COL5A3: variants seen among roughly 807,000 people sequenced by gnomAD.
COL5A3 encodes collagen alpha-3(V) chain.
Under a neutral mutation model 250.0 loss-of-function variants are expected in COL5A3, and 172 were observed. That is an observed-to-expected ratio of 0.69 (90% CI 0.61 to 0.78). The LOEUF (loss-of-function observed/expected upper bound fraction) is 0.78, where lower values mean the gene tolerates loss of function less well. Ranked by LOEUF, COL5A3 falls within the 30% of genes least tolerant of loss-of-function variation. The pLI is 0.00. For missense variants in COL5A3, 2,340 were observed against 2,334.4 expected, an observed-to-expected ratio of 1.00 and a Z score of -0.05; for synonymous variants, 937 against 900.4, an observed-to-expected ratio of 1.04 and a Z score of -0.73.
chr19:9,970,295 GTCTGTGGGGTGAGTGGAA>G (rs2086818690), intron 54 of COL5A3, among the ~76,000 whole-genome samples: 1 of 96,954 alleles, frequency 1.0e-5, no homozygotes, highest in Non-Finnish European at 2.1e-5. Flanking sequence ...GTTGACTGAG[GTCTGTGGGGTGAGTGGAA>G]TCTGTGGGTG....
Position 9,978,220 on chromosome 19 carries a change from A to C in COL5A3, c.3018+354T>G, listed in dbSNP as rs184991931. Among the ~76,000 whole-genome samples the C allele has an allele frequency of 3.0e-3, 449 of 152,052 alleles. 1 individual carries two copies. Among genetic ancestry groups the C allele is most frequent in the African/African-American group, 0.01 (417 of 41,470 alleles). ...TGAGATAAGGCTTCCCATCATGGCT[A>C]TTTTACAGACAAGGAAACTGAGGCT... On this transcript the variant is annotated intron_variant, in intron 41 of 66. Coordinates refer to ENST00000264828, the MANE Select transcript of COL5A3 (RefSeq NM_015719.4).
chr19:9,961,357 A>T (rs1326670017), intron 65 of COL5A3, among the ~76,000 whole-genome samples: 2 of 151,328 alleles, frequency 1.3e-5, no homozygotes, highest in East Asian at 3.9e-4. Context: ...ACTTTATTTA[A>T]TTTTTTTTCC....
chr19:9,985,752 T>G, intron 31 of COL5A3, 90 bp downstream of exon 31: 1 of 1,211,798 alleles, frequency 8.3e-7, no homozygotes, highest in Non-Finnish European at 1.2e-6. Context: ...GGTGGGCAGC[T>G]CATCCCCCAA....
At chr19:9,981,766 C>T (rs149492057) in intron 32 of COL5A3, among the ~76,000 whole-genome samples, 214 of 152,316 alleles carry the variant, frequency 1.4e-3, no homozygotes, top group African/African-American at 2.2e-3. Flanking sequence ...GCAAAGTGCA[C>T]GCAGATTCAT....
rs368933139 is a variant in COL5A3, at chr19:9,962,832, C to T, written c.4838G>A (p.Arg1613His). 5.0e-5 allele frequency: 80 copies of T among 1,610,708 alleles called. No homozygotes were observed. Among genetic ancestry groups the T allele is most frequent in the Admixed American group, 6.7e-5 (4 of 59,632 alleles). ...TCGGTGACTCACCTTCTTCCCTCGA[C>T]GGAATGTGCTATACCAGCCTCCAGG... The part of the protein sequence containing the change: ...EKPGGWYSTF[R>H]RGKKFSYVDA... The change falls in exon 65 of 67, where the codon CGT (arginine) becomes CAT (histidine). Residue 1613 changes from arginine to histidine, a missense_variant. By Grantham distance (29) the Arg-to-His change is conservative. Coordinates refer to ENST00000264828, the MANE Select transcript of COL5A3 (RefSeq NM_015719.4).
intron 1 of COL5A3, among the ~76,000 whole-genome samples, chr19:10,007,068 C>T (rs181087646): frequency 6.7e-6 from 1 of 148,878 alleles, no homozygotes; most frequent in Non-Finnish European, 1.5e-5. Context: ...CCCCTTTGAC[C>T]TCTTCCTTCT....
intron 39 of COL5A3, 21 bp from the exon 40 acceptor site, chr19:9,979,001 G>T: frequency 3.9e-6 from 6 of 1,538,156 alleles, no homozygotes; most frequent in Non-Finnish European, 5.2e-6. Context: ...GCAAAGGAGG[G>T]AAGTCAAGCT....
At chr19:9,999,860 C>T (rs2087332601) in intron 8 of COL5A3, among the ~76,000 whole-genome samples, 1 of 152,136 alleles carries the variant, frequency 6.6e-6, no homozygotes, top group African/African-American at 2.4e-5. Context: ...CCTCCACCTC[C>T]TGGGCTCAAG....
chr19:9,972,867 T>C, intron 51 of COL5A3, 52 bp downstream of exon 51: 2 of 1,361,434 alleles, frequency 1.5e-6, no homozygotes, highest in Non-Finnish European at 9.9e-7. Context: ...GAGCTTCAAG[T>C]ACATTCAAGT....
chr19:9,981,181 G>T (rs779872288), intron 32 of COL5A3, 49 bp from the exon 33 acceptor site: 1 of 1,570,302 alleles, frequency 6.4e-7, no homozygotes, highest in South Asian at 1.1e-5. Flanking sequence ...AGGGTGCAAA[G>T]GTATGACGCA....
Position 9,974,179 on chromosome 19 carries a change from C to T in COL5A3, c.3496G>A (p.Gly1166Arg), listed in dbSNP as rs774741488. Reference sequence around the variant, plus strand: ...CCTCTGGGAGTGCATACCATGGACCCGACGTCTCCGACCTCCCCTTTCTCT... The same window carrying T: ...CCTCTGGGAGTGCATACCATGGACCTGACGTCTCCGACCTCCCCTTTCTCT... ...PGEKGEVGDV[G>R]SMGPHGAPGP... The change falls in exon 47 of 67, where the codon GGG (glycine) becomes AGG (arginine). Residue 1166 changes from glycine to arginine, a missense_variant. Coordinates refer to ENST00000264828, the MANE Select transcript of COL5A3 (RefSeq NM_015719.4). The T allele has an allele frequency of 5.0e-6, 8 of 1,613,862 alleles. No homozygotes were observed. Among genetic ancestry groups the T allele is most frequent in the African/African-American group, 4.0e-5 (3 of 74,892 alleles).
Position 9,989,189 on chromosome 19 carries a change from A to G in COL5A3, c.2092-12T>C, listed in dbSNP as rs1338440142. The G allele has an allele frequency of 1.2e-6, 2 of 1,614,026 alleles. No individual in the cohort carries two copies. Among genetic ancestry groups the G allele is most frequent in the African/African-American group, 2.7e-5 (2 of 74,936 alleles). On this transcript the variant is annotated splice_polypyrimidine_tract_variant and intron_variant, in intron 26 of 66. Coordinates refer to ENST00000264828, the MANE Select transcript of COL5A3 (RefSeq NM_015719.4). Reference sequence around the variant, plus strand: ...GACCCTGGTGGACCCTGGGAGGAAAATAAGGTCAGTGCCATTCTAGACAGT... The same window carrying G: ...GACCCTGGTGGACCCTGGGAGGAAAGTAAGGTCAGTGCCATTCTAGACAGT...
chr19:9,986,767 T>TTAAA lies in COL5A3; in HGVS notation c.2146-10_2146-9insTTTA. On this transcript the variant is annotated splice_polypyrimidine_tract_variant and intron_variant, in intron 27 of 66. Transcript: ENST00000264828. ...CGGTTGCCTGAAGTGCCCTGGAAAA[T>TTAAA]AAAAAAAAAAAGCTCTCAAGCCTCT... 1 of 1,488,220 alleles carries TTAAA rather than the reference T, an allele frequency of 6.7e-7. No homozygotes were observed. The highest frequency in any genetic ancestry group is 2.3e-5 in the East Asian group (1 of 42,688). 92.2% of individuals were successfully genotyped at this position (1,488,220 alleles called of 1,614,324 possible).
chr19:9,966,752 C>T lies in COL5A3; in HGVS notation c.4459-6G>A. On this transcript the variant is annotated splice_region_variant and splice_polypyrimidine_tract_variant and intron_variant, in intron 62 of 66. Coordinates refer to ENST00000264828, the MANE Select transcript of COL5A3 (RefSeq NM_015719.4). Reference sequence around the variant, plus strand: ...TGCAGCTCGGCAGGGGCACCCTGGGCGTAGGGGATGGGGACGGAGAAGAGA... The same window carrying T: ...TGCAGCTCGGCAGGGGCACCCTGGGTGTAGGGGATGGGGACGGAGAAGAGA... 8 of 1,523,222 alleles carry T rather than the reference C, an allele frequency of 5.3e-6. No homozygotes were observed. Among genetic ancestry groups the T allele is most frequent in the Non-Finnish European group, 7.0e-6 (8 of 1,139,856 alleles). The allele number at this position is 1,523,222 out of a possible 1,614,324, so 94.4% of individuals were successfully genotyped here.
chr19:9,986,909 C>A, intron 27 of COL5A3, 151 bp from the exon 28 acceptor site: 1 of 851,072 alleles, frequency 1.2e-6, no homozygotes. Context: ...GATCTTTCCC[C>A]AGAGGCCCCT....
Position 9,997,383 on chromosome 19 carries a change from G to A in COL5A3, c.1251C>T (p.Asp417=). 1.9e-6 allele frequency: 3 copies of A among 1,609,638 alleles called. No homozygotes were observed. Among genetic ancestry groups the A allele is most frequent in the African/African-American group, 1.3e-5 (1 of 74,974 alleles). The change falls in exon 11 of 67, where the codon GAC becomes GAT. Residue 417 remains aspartate (D), a synonymous_variant. Coordinates refer to ENST00000264828, the MANE Select transcript of COL5A3 (RefSeq NM_015719.4). ...GGGAGTCTCTTACCGGTGGACCAGG[G>A]TCGCCAGGGAATCCTGGGGGGCCGG... is the stretch of plus-strand genomic sequence containing the variant. ...GPPGPPGFPG[D]PGPPGPAGLP...
In COL5A3 at chr19:9,996,123, G is replaced by C; in HGVS notation, c.1480-4C>G. 6.3e-7 allele frequency: 1 copy of C among 1,575,046 alleles called. No individual in the cohort carries two copies. The highest frequency in any genetic ancestry group is 8.6e-7 in the Non-Finnish European group (1 of 1,162,448). The stretch of plus-strand genomic sequence containing the variant: ...GACCTGGATGCCCGGGGAGACCCTT[G>C]GGGGAGGAGAGATGGAGGAGTGTGG... On this transcript the variant is annotated splice_region_variant and splice_polypyrimidine_tract_variant and intron_variant, in intron 14 of 66. Coordinates refer to ENST00000264828, the MANE Select transcript of COL5A3 (RefSeq NM_015719.4).
rs1397399560 is a variant in COL5A3 at position 9,997,473 on chromosome 19, A to G, written c.1201-40T>C. 7.9e-6 allele frequency: 11 copies of G among 1,395,288 alleles called. No individual in the cohort carries two copies. In the Admixed American group the frequency reaches 2.2e-4, roughly 27 times the overall value. 86.4% of individuals were successfully genotyped at this position (1,395,288 alleles called of 1,614,324 possible). A position where few individuals can be genotyped will look rare whatever the true frequency, so the allele number is the denominator to read the frequency against. On this transcript the variant is annotated intron_variant, in intron 10 of 66. Transcript: ENST00000264828. The stretch of plus-strand genomic sequence containing the variant: ...GAAACAGGAGTCACAGGAAGTGCAA[A>G]GTTTGAGCTAGGCTGACTTTCAACC...
At chr19:9,974,054 A>AGG (rs2145078184) in intron 47 of COL5A3, 82 bp from the exon 48 acceptor site, 1 of 1,517,568 alleles carries the variant, frequency 6.6e-7, no homozygotes, top group Admixed American at 2.0e-5. Context: ...ACCACTGTCA[A>AGG]TGCTGGTGAC....
Sources: gnomAD v4.1 joint callset for allele counts (sites outside exome capture counted in the v4.1 genomes callset) on GRCh38, gnomAD v4.1.1 for gene constraint, MANE v1.5 for transcripts, NCBI Gene and HGNC (gene_info 2026-07-23, HGNC 2026-07-21) for gene names.